TTC21A: variants seen among roughly 807,000 people sequenced by gnomAD.
TTC21A encodes tetratricopeptide repeat domain 21A, also known as tetratricopeptide repeat protein 21A.
In TTC21A, 128 loss-of-function variants were observed where a neutral mutation model predicts 156.4. That is an observed-to-expected ratio of 0.82 (90% CI 0.71 to 0.95). The LOEUF (loss-of-function observed/expected upper bound fraction) is 0.95, where lower values mean the gene tolerates loss of function less well. Among genes scored for constraint, TTC21A ranks in the 40% least tolerant of loss-of-function variants. The pLI is 0.00. For synonymous variants in TTC21A, 587 were observed against 617.1 expected (o/e 0.95, Z 0.72); for missense variants, 1,435 against 1,602.3 (o/e 0.90, Z 1.78).
chr3:39,113,994 C>A (rs2037055826), intron 5 of TTC21A, among the ~76,000 whole-genome samples: 1 of 152,194 alleles, frequency 6.6e-6, no homozygotes. Flanking sequence ...AGAAGCATTG[C>A]CCCCTGGCCC....
chr3:39,130,040 G>A lies in TTC21A; in HGVS notation c.2136-39G>A. ...ATGATTTCAGGAACATGAGGTGTGT[G>A]CGAACCTGGGATAAGCTTTTGGTTA... is the stretch of plus-strand genomic sequence containing the variant. On this transcript the variant is annotated intron_variant, in intron 15 of 28. Transcript: ENST00000683103. The surrounding 1 kb of genome is among the most constrained non-coding windows in gnomAD (Gnocchi z 4.5). The A allele has an allele frequency of 6.2e-7, 1 of 1,606,594 alleles. No homozygotes were observed. Among genetic ancestry groups the A allele is most frequent in the South Asian group, 1.1e-5 (1 of 90,228 alleles).
intron 6 of TTC21A, among the ~76,000 whole-genome samples, chr3:39,115,436 G>A (rs1176485234): frequency 6.6e-6 from 1 of 152,194 alleles, no homozygotes; most frequent in Non-Finnish European, 1.5e-5. Flanking sequence ...CGAGGCAGGA[G>A]GATTGCTTGA....
intron 26 of TTC21A, chr3:39,137,918 C>T (rs934178887): frequency 1.1e-5 from 7 of 629,774 alleles, no homozygotes; most frequent in African/African-American, 5.5e-5. Flanking sequence ...GCACAGGGGT[C>T]GTGTTATGTC....
intron 14 of TTC21A, 36 bp downstream of exon 14, chr3:39,128,968 G>A (rs1285514451): frequency 1.9e-6 from 3 of 1,611,786 alleles, no homozygotes; most frequent in Admixed American, 1.7e-5. Flanking sequence ...TGGGGACTGG[G>A]GCACACTGGA....
chr3:39,120,674 G>A (rs763838789), intron 8 of TTC21A, among the ~76,000 whole-genome samples: 4 of 152,200 alleles, frequency 2.6e-5, no homozygotes, highest in Non-Finnish European at 5.9e-5. Context: ...AGCCTTTGGG[G>A]CCACTTCTTA....
Position 39,128,790 on chromosome 3 carries a change from T to C in TTC21A, c.1754T>C (p.Ile585Thr). ...LNKAGDYPEA[I>T]KTLKMVIKLP... ...AAGGCTGGAGACTATCCAGAGGCCA[T>C]AAAGACGCTGAAAATGGTCATCAAA... Residue 585 changes from isoleucine (I) to threonine (T), a missense_variant, in exon 14 of 29, where the codon ATA becomes ACA. Transcript: ENST00000683103. 1.2e-6 allele frequency: 2 copies of C among 1,614,074 alleles called. No individual in the cohort carries two copies. Among genetic ancestry groups the C allele is most frequent in the Non-Finnish European group, 1.7e-6 (2 of 1,180,000 alleles).
Position 39,118,592 on chromosome 3 carries a change from C to CT in TTC21A, c.801+447dup, listed in dbSNP as rs552237345. On this transcript the variant is annotated intron_variant, in intron 7 of 28. Transcript: ENST00000683103. ...TAGTATTTCTGAATTCAGGAAATGCCTTTTTTTTAGGGGATAGTTGGAACT... is the reference window on the plus strand; with the variant it reads ...TAGTATTTCTGAATTCAGGAAATGCCTTTTTTTTTAGGGGATAGTTGGAACT... 628 of 171,622 alleles carry CT rather than the reference C, an allele frequency of 3.7e-3. 1 individual carries two copies. Among genetic ancestry groups the CT allele is most frequent in the Non-Finnish European group, 4.6e-3 (366 of 79,442 alleles). The allele number at this position is 171,622 out of a possible 1,614,324, so 10.6% of individuals were successfully genotyped here.
chr3:39,111,133 C>G (rs1399715381), intron 4 of TTC21A, 116 bp downstream of exon 4: 9 of 1,179,358 alleles, frequency 7.6e-6, no homozygotes, highest in Non-Finnish European at 1.1e-5. Context: ...CACACCCAGG[C>G]ACTGGCAAAA....
chr3:39,112,684 C>T lies in TTC21A; in HGVS notation c.558+104C>T, dbSNP rs1432938127. 5 of 1,501,222 alleles carry T rather than the reference C, an allele frequency of 3.3e-6. No homozygotes were observed. The East Asian group carries it at 7.2e-5, about 22-fold the overall frequency. 93.0% of individuals were successfully genotyped at this position (1,501,222 alleles called of 1,614,324 possible). On this transcript the variant is annotated intron_variant, in intron 5 of 28. Coordinates refer to ENST00000683103, the MANE Select transcript of TTC21A (RefSeq NM_001366900.1). Reference sequence around the variant, plus strand: ...CCAAACCCTCGTAGTCTCCAGATGCCTCATCTCGTAGATAAAGAGCAGAGG... The same window carrying T: ...CCAAACCCTCGTAGTCTCCAGATGCTTCATCTCGTAGATAAAGAGCAGAGG...
At chr3:39,125,564 T>A (rs1328059787) in intron 11 of TTC21A, 32 bp downstream of exon 11, 2 of 1,508,798 alleles carry the variant, frequency 1.3e-6, no homozygotes, top group Non-Finnish European at 1.8e-6. Flanking sequence ...ATGGTGGGGG[T>A]CTGGAGTACA....
intron 28 of TTC21A, 37 bp downstream of exon 28, chr3:39,138,660 G>C: frequency 1.2e-6 from 2 of 1,614,028 alleles, no homozygotes; most frequent in Middle Eastern, 3.3e-4. Context: ...GCCTGGTGTA[G>C]TGGTGGGGAA....
Position 39,119,974 on chromosome 3 carries a change from A to G in TTC21A, c.854A>G (p.Glu285Gly), listed in dbSNP as rs745725450. ...AAGGCACTAGAGACAAGGGAACCCGAAAATCCAAGCCTCCATCTTAAAAAA... is the reference window on the plus strand; with the variant it reads ...AAGGCACTAGAGACAAGGGAACCCGGAAATCCAAGCCTCCATCTTAAAAAA... The part of the protein sequence containing the change: ...LIKALETREP[E>G]NPSLHLKKII... The change falls in exon 8 of 29, where the codon GAA (glutamate) becomes GGA (glycine). Residue 285 changes from glutamate (E) to glycine (G), a missense_variant. Coordinates refer to ENST00000683103, the MANE Select transcript of TTC21A (RefSeq NM_001366900.1). 5 of 1,610,104 alleles carry G rather than the reference A, an allele frequency of 3.1e-6. No individual in the cohort carries two copies. The African/African-American group carries it at 4.0e-5, about 13-fold the overall frequency.
At position 39,134,578 on chromosome 3, in the gene TTC21A, C is replaced by T. The variant is rs1180144266; in HGVS notation, c.2862+250C>T. The T allele has an allele frequency of 6.8e-6, 4 of 586,982 alleles. No homozygotes were observed. Among genetic ancestry groups the T allele is most frequent in the East Asian group, 3.0e-5 (1 of 33,666 alleles). The allele number at this position is 586,982 out of a possible 1,614,324, so 36.4% of individuals were successfully genotyped here. A position where few individuals can be genotyped will look rare whatever the true frequency, so the allele number is the denominator to read the frequency against. On this transcript the variant is annotated intron_variant, in intron 21 of 28. Transcript: ENST00000683103. This position sits in a 1 kb window ranked among gnomAD's most constrained non-coding sequence, Gnocchi z 4.6. ...AAGGTGGGGTGAGGTTGATTCACCC[C>T]AGGGGAAAGCACATTCACTGTAGGT...
rs1255934901 is a variant in TTC21A, at chr3:39,119,958, G to C, written c.838G>C (p.Glu280Gln). The C allele has an allele frequency of 1.2e-6, 2 of 1,610,030 alleles. No individual in the cohort carries two copies. Among genetic ancestry groups the C allele is most frequent in the African/African-American group, 2.7e-5 (2 of 74,404 alleles). Residue 280 changes from glutamate (E) to glutamine (Q), a missense_variant, in exon 8 of 29, where the codon GAG becomes CAG. Glu to Gln is a conservative substitution (Grantham distance 29). Transcript: ENST00000683103. The part of the protein sequence containing the change: ...NHVRNLIKAL[E>Q]TREPENPSLH... The stretch of plus-strand genomic sequence containing the variant: ...CGTTAGAAATCTGATTAAGGCACTA[G>C]AGACAAGGGAACCCGAAAATCCAAG...
In TTC21A at chr3:39,111,080, G is replaced by A. The variant is rs2036786620; in HGVS notation, c.435+63G>A. ...CAGCATCCAAACACATAATAGCAGGGTGGCCCTCATTCCCACAAAGGGCCC... is the reference window on the plus strand; with the variant it reads ...CAGCATCCAAACACATAATAGCAGGATGGCCCTCATTCCCACAAAGGGCCC... On this transcript the variant is annotated intron_variant, in intron 4 of 28. Transcript: ENST00000683103. 3.3e-6 allele frequency: 5 copies of A among 1,523,606 alleles called. No individual in the cohort carries two copies. The East Asian group carries it at 1.1e-4, about 35-fold the overall frequency. 94.4% of individuals were successfully genotyped at this position (1,523,606 alleles called of 1,614,324 possible). A position where few individuals can be genotyped will look rare whatever the true frequency, so the allele number is the denominator to read the frequency against.
chr3:39,119,655 A>AAAAAAAG, intron 7 of TTC21A: 1 of 282,608 alleles, frequency 3.5e-6, no homozygotes, highest in Non-Finnish European at 6.5e-6. Flanking sequence ...AAAAAAAAGA[A>AAAAAAAG]AAAAAAAAAA....
At chr3:39,133,298 A>G in intron 20 of TTC21A, 58 bp downstream of exon 20, 1 of 1,548,776 alleles carries the variant, frequency 6.5e-7, no homozygotes, top group Non-Finnish European at 8.8e-7. Context: ...TGACTTGCTG[A>G]GCTCACTGAC....
intron 5 of TTC21A, among the ~76,000 whole-genome samples, chr3:39,113,676 A>G (rs1315660881): frequency 6.6e-6 from 1 of 152,096 alleles, no homozygotes; most frequent in African/African-American, 2.4e-5. Flanking sequence ...CCTAGGGCAT[A>G]TTGTCATTTA....
intron 22 of TTC21A, among the ~76,000 whole-genome samples, chr3:39,135,761 GAGT>G (rs2039065348): frequency 1.3e-5 from 2 of 152,144 alleles, no homozygotes; most frequent in African/African-American, 4.8e-5. Context: ...GACACAATAA[GAGT>G]ACCTACCTAG....
Sources: gnomAD v4.1 joint callset for allele counts (sites outside exome capture counted in the v4.1 genomes callset) on GRCh38, gnomAD v4.1.1 for gene constraint, Gnocchi (gnomAD v3.1) non-coding constraint, MANE v1.5 for transcripts, NCBI Gene and HGNC (gene_info 2026-07-23, HGNC 2026-07-21) for gene names.